Variants in RAB3C observed in about 807,000 individuals in gnomAD.
RAB3C encodes ras-related protein Rab-3C.
RAB3C carries 17 observed loss-of-function variants against 26.4 expected under a neutral mutation model. That is an observed-to-expected ratio of 0.64 (90% CI 0.44 to 0.97). The LOEUF is 0.97. RAB3C is among the 50% of genes least tolerant of loss of function. The pLI is 0.00. For missense variants in RAB3C, 242 were observed against 281.9 expected, an observed-to-expected ratio of 0.86 and a Z score of 1.01; for synonymous variants, 91 against 95.9, an observed-to-expected ratio of 0.95 and a Z score of 0.30.
chr5:58,707,063 T>G (rs1023021800), intron 2 of RAB3C, among the ~76,000 whole-genome samples: 25 of 152,208 alleles, frequency 1.6e-4, no homozygotes, highest in Non-Finnish European at 3.1e-4. Context: ...AGCTCATTGT[T>G]TTTTGCTTGT....
chr5:58,720,601 C>A (rs1740728773), intron 2 of RAB3C, among the ~76,000 whole-genome samples: 1 of 151,780 alleles, frequency 6.6e-6, no homozygotes, highest in African/African-American at 2.4e-5. Flanking sequence ...TGTTCCCAGC[C>A]CCCATTTCTT....
chr5:58,729,146 G>A (rs879885291), intron 3 of RAB3C, among the ~76,000 whole-genome samples: 9 of 151,814 alleles, frequency 5.9e-5, no homozygotes, highest in Non-Finnish European at 7.4e-5. Flanking sequence ...AAGACCTAGC[G>A]GACTCTGCTA....
At chr5:58,709,974 A>G (rs566100148) in intron 2 of RAB3C, among the ~76,000 whole-genome samples, 1 of 152,278 alleles carries the variant, frequency 6.6e-6, no homozygotes, top group East Asian at 1.9e-4. Context: ...ATATTGTATA[A>G]TCTCATACAG....
intron 2 of RAB3C, among the ~76,000 whole-genome samples, chr5:58,648,854 G>A (rs1253148940): frequency 6.6e-6 from 1 of 152,096 alleles, no homozygotes; most frequent in Non-Finnish European, 1.5e-5. Context: ...TTTCTCCTGG[G>A]GGACAGTTCT....
chr5:58,685,899 T>A (rs1748435946), intron 2 of RAB3C, among the ~76,000 whole-genome samples: 1 of 152,200 alleles, frequency 6.6e-6, no homozygotes, highest in African/African-American at 2.4e-5. Context: ...TAGTTCAATA[T>A]GGCAGTAGCA....
intron 2 of RAB3C, among the ~76,000 whole-genome samples, chr5:58,715,591 T>G (rs1262605411): frequency 2.6e-5 from 4 of 152,148 alleles, no homozygotes; most frequent in Non-Finnish European, 4.4e-5. Flanking sequence ...TTTAGTTTTT[T>G]GCACAAGTTA....
intron 2 of RAB3C, among the ~76,000 whole-genome samples, chr5:58,693,437 G>T (rs900669118): frequency 6.7e-6 from 1 of 148,786 alleles, no homozygotes; most frequent in African/African-American, 2.5e-5. Flanking sequence ...AAACATTTTT[G>T]GTTTCAAACT....
chr5:58,802,037 A>G (rs1742820491), intron 3 of RAB3C, among the ~76,000 whole-genome samples: 1 of 152,242 alleles, frequency 6.6e-6, no homozygotes, highest in African/African-American at 2.4e-5. Flanking sequence ...TACTGAGGAA[A>G]GCATTAGACA....
chr5:58,676,107 T>C (rs983587527), intron 2 of RAB3C, among the ~76,000 whole-genome samples: 2 of 152,174 alleles, frequency 1.3e-5, no homozygotes, highest in Non-Finnish European at 2.9e-5. Flanking sequence ...AGGACATAAG[T>C]CACGCTTTCT....
At chr5:58,585,052 A>G (rs1745982581) in intron 1 of RAB3C, among the ~76,000 whole-genome samples, 1 of 152,086 alleles carries the variant, frequency 6.6e-6, no homozygotes, top group Non-Finnish European at 1.5e-5. Context: ...AGTTATTGTC[A>G]TATTTATAAT....
intron 3 of RAB3C, among the ~76,000 whole-genome samples, chr5:58,762,377 C>A (rs1260853235): frequency 6.6e-6 from 1 of 152,076 alleles, no homozygotes; most frequent in Non-Finnish European, 1.5e-5. Flanking sequence ...ATTTTCTTTT[C>A]TTCCTGAAAT....
At chr5:58,757,595 A>G (rs1480010549) in intron 3 of RAB3C, among the ~76,000 whole-genome samples, 1 of 152,260 alleles carries the variant, frequency 6.6e-6, no homozygotes, top group Non-Finnish European at 1.5e-5. Flanking sequence ...CTGAAAGCAC[A>G]TCACGTCCAT....
At chr5:58,827,314 G>A (rs1743505006) in intron 4 of RAB3C, among the ~76,000 whole-genome samples, 1 of 152,110 alleles carries the variant, frequency 6.6e-6, no homozygotes, top group African/African-American at 2.4e-5. Context: ...GCCAGGATGG[G>A]GAAGAAACTG....
chr5:58,786,834 C>A (rs1742397339), intron 3 of RAB3C, among the ~76,000 whole-genome samples: 1 of 151,820 alleles, frequency 6.6e-6, no homozygotes, highest in South Asian at 2.1e-4. Context: ...TATACGCCCC[C>A]TCACCCCCCG....
At chr5:58,846,673 C>T (rs1744013041) in intron 4 of RAB3C, among the ~76,000 whole-genome samples, 1 of 151,934 alleles carries the variant, frequency 6.6e-6, no homozygotes, top group South Asian at 2.1e-4. Context: ...GCTATGGCAC[C>T]CAGCCCATAA....
chr5:58,756,317 T>TTA lies in RAB3C; in HGVS notation c.371+30214_371+30215dup, dbSNP rs372230172. On this transcript the variant is annotated intron_variant, in intron 3 of 4. Coordinates refer to ENST00000282878, the MANE Select transcript of RAB3C (RefSeq NM_138453.4). ...ATATTCTCTTACTTAGCCCCAGTAG[T>TTA]TATATATATATATATATAACATATA... Among the ~76,000 whole-genome samples the TTA allele has an allele frequency of 8.3e-3, 1,157 of 139,056 alleles. 5 individuals are homozygous for TTA. Among genetic ancestry groups the TTA allele is most frequent in the Middle Eastern group, 0.025 (7 of 276 alleles). 91.2% of individuals were successfully genotyped at this position (139,056 alleles called of 152,430 possible).
chr5:58,759,101 C>G (rs1281174702), intron 3 of RAB3C, among the ~76,000 whole-genome samples: 3 of 152,216 alleles, frequency 2.0e-5, no homozygotes, highest in Non-Finnish European at 4.4e-5. Context: ...TAAAAATGCA[C>G]TGTGTCCCAG....
chr5:58,845,612 A>ATATGTGTGTGTGTG lies in RAB3C; in HGVS notation c.497-5551_497-5550insATGTGTGTGTGTGT. Among the ~76,000 whole-genome samples the ATATGTGTGTGTGTG allele has an allele frequency of 2.4e-3, 195 of 81,698 alleles. 11 individuals are homozygous for ATATGTGTGTGTGTG. Among genetic ancestry groups the ATATGTGTGTGTGTG allele is most frequent in the African/African-American group, 0.011 (181 of 17,204 alleles). The allele number at this position is 81,698 out of a possible 152,430, so 53.6% of individuals were successfully genotyped here. ...ATTCTTACTATATATATATATATAT[A>ATATGTGTGTGTGTG]TGTGTGTGTGTGTGTGTGTATATGT... On this transcript the variant is annotated intron_variant, in intron 4 of 4. Coordinates refer to ENST00000282878, the MANE Select transcript of RAB3C (RefSeq NM_138453.4).
At position 58,859,392 on chromosome 5, in the gene RAB3C, G is replaced by A. The variant is rs1410649678; in HGVS notation, c.*8041G>A. On this transcript the variant is annotated 3_prime_UTR_variant, in exon 5 of 5. Coordinates refer to ENST00000282878, the MANE Select transcript of RAB3C (RefSeq NM_138453.4). ...TAAATATCTAAGAGACTATATTCCT[G>A]AATTTCTTAGCCTTAGTCTGATTAA... 1 of 152,138 alleles carries A rather than the reference G, an allele frequency of 6.6e-6. No homozygotes were observed. The highest frequency in any genetic ancestry group is 1.9e-4 in the East Asian group (1 of 5,198). 9.4% of individuals were successfully genotyped at this position (152,138 alleles called of 1,614,324 possible).
Sources: gnomAD v4.1 joint callset for allele counts (sites outside exome capture counted in the v4.1 genomes callset) on GRCh38, gnomAD v4.1.1 for gene constraint, MANE v1.5 for transcripts, NCBI Gene and HGNC (gene_info 2026-07-23, HGNC 2026-07-21) for gene names.